RNGTT: variants seen among roughly 807,000 people sequenced by gnomAD.
RNGTT encodes mRNA-capping enzyme.
A neutral mutation model predicts 79.3 loss-of-function variants in RNGTT; 33 were observed. The observed-to-expected ratio is 0.42, with a 90% confidence interval of 0.32 to 0.56. The LOEUF is 0.56. Among genes scored for constraint, RNGTT ranks in the 20% least tolerant of loss-of-function variants. The pLI, the probability that RNGTT is intolerant of heterozygous loss-of-function variation, is 0.17. For synonymous variants in RNGTT, 222 were observed against 235.9 expected (o/e 0.94, Z 0.54); for missense variants, 497 against 739.1 (o/e 0.67, Z 3.80).
chr6:88,663,161 G>A (rs760161642), intron 14 of RNGTT, among the ~76,000 whole-genome samples: 13 of 152,128 alleles, frequency 8.5e-5, no homozygotes, highest in Admixed American at 2.6e-4. Context: ...TGGTAAGAGT[G>A]TTGTTTTGTC....
intron 11 of RNGTT, among the ~76,000 whole-genome samples, chr6:88,816,013 TA>T (rs1445896014): frequency 1.3e-5 from 2 of 152,168 alleles, no homozygotes; most frequent in African/African-American, 4.8e-5. Context: ...CAAAATCATA[TA>T]AAAATAAGAC....
chr6:88,888,229 CGTAGT>C (rs2127932888), intron 8 of RNGTT, among the ~76,000 whole-genome samples: 1 of 152,238 alleles, frequency 6.6e-6, no homozygotes, highest in East Asian at 1.9e-4. Flanking sequence ...CAGTTCATTT[CGTAGT>C]GTAAAGCCTA....
At chr6:88,750,039 C>T (rs1226601747) in intron 13 of RNGTT, among the ~76,000 whole-genome samples, 2 of 152,138 alleles carry the variant, frequency 1.3e-5, no homozygotes, top group African/African-American at 2.4e-5. Context: ...TTTATAAGGA[C>T]ATGAGTCATT....
chr6:88,767,678 CAA>C (rs58712575), intron 13 of RNGTT, among the ~76,000 whole-genome samples: 12,197 of 83,524 alleles, frequency 0.15, 571 homozygotes, highest in Middle Eastern at 0.18. Context: ...TCACTTGTGT[CAA>C]AAAAAAAAAA....
chr6:88,946,685 C>A (rs1345146167), intron 1 of RNGTT, among the ~76,000 whole-genome samples: 1 of 151,888 alleles, frequency 6.6e-6, no homozygotes, highest in African/African-American at 2.4e-5. Context: ...CCTCTCCCCA[C>A]GGTCTCCCTC....
At chr6:88,767,692 A>T (rs901750651) in intron 13 of RNGTT, among the ~76,000 whole-genome samples, 3 of 147,828 alleles carry the variant, frequency 2.0e-5, no homozygotes, top group Admixed American at 2.0e-4. Flanking sequence ...AAAAAAAAAA[A>T]AAAAAAAAAA....
intron 13 of RNGTT, among the ~76,000 whole-genome samples, chr6:88,768,138 T>C (rs1299533657): frequency 2.3e-5 from 3 of 131,190 alleles, no homozygotes. Context: ...CATTTAGGGA[T>C]AGTGTGTGTG....
At chr6:88,814,314 T>C (rs1018964409) in intron 11 of RNGTT, among the ~76,000 whole-genome samples, 1 of 152,210 alleles carries the variant, frequency 6.6e-6, no homozygotes, top group Admixed American at 6.5e-5. Flanking sequence ...GAATTTCCTT[T>C]CTTCAAACTA....
chr6:88,870,511 CAAA>C (rs751016965), intron 8 of RNGTT, among the ~76,000 whole-genome samples: 3 of 91,712 alleles, frequency 3.3e-5, no homozygotes, highest in Admixed American at 2.3e-4. Context: ...CAATTAAGAG[CAAA>C]AAAAAAAAAA....
At chr6:88,806,371 G>A (rs1779954816) in intron 11 of RNGTT, among the ~76,000 whole-genome samples, 1 of 149,532 alleles carries the variant, frequency 6.7e-6, no homozygotes, top group Non-Finnish European at 1.5e-5. Context: ...AGGCTGGAGT[G>A]CAGTGGCACA....
chr6:88,955,099 T>C (rs1183673025), intron 1 of RNGTT, among the ~76,000 whole-genome samples: 5 of 151,888 alleles, frequency 3.3e-5, no homozygotes, highest in Non-Finnish European at 7.4e-5. Context: ...TACAAATACA[T>C]GGAAATTAAA....
Position 88,929,285 on chromosome 6 carries a change from TGAAAG to T in RNGTT, c.175-23_175-19del, listed in dbSNP as rs767931149. On this transcript the variant is annotated intron_variant, in intron 2 of 15. Coordinates refer to ENST00000369485, the MANE Select transcript of RNGTT (RefSeq NM_003800.5). ...ATTTTAACCTAAAAAAAAAAAAAAA[TGAAAG>T]GGCAAATTTACTAGTAACTTAATTT... The T allele has an allele frequency of 7.7e-5, 92 of 1,191,860 alleles. 1 individual carries two copies. In the South Asian group the frequency reaches 1.2e-3, roughly 15 times the overall value. The allele number at this position is 1,191,860 out of a possible 1,614,324, so 73.8% of individuals were successfully genotyped here.
At chr6:88,727,530 A>G (rs919461585) in intron 13 of RNGTT, among the ~76,000 whole-genome samples, 20 of 152,234 alleles carry the variant, frequency 1.3e-4, no homozygotes, top group Non-Finnish European at 2.5e-4. Context: ...AGGAGTCTAT[A>G]AAAATCTTAC....
At position 88,611,316 on chromosome 6, in the gene RNGTT, TCTGA is replaced by T. The variant is rs1365114702; in HGVS notation, c.*1399_*1402del. 1 of 152,684 alleles carries T rather than the reference TCTGA, an allele frequency of 6.5e-6. No individual in the cohort carries two copies. The allele number at this position is 152,684 out of a possible 1,614,324, so 9.5% of individuals were successfully genotyped here. A position where few individuals can be genotyped will look rare whatever the true frequency, so the allele number is the denominator to read the frequency against. ...CCGGGTAATTCAGTTGGATTTCGTG[TCTGA>T]CTGAATCAGTAGAAGAATATACACT... On this transcript the variant is annotated 3_prime_UTR_variant, in exon 16 of 16. Coordinates refer to ENST00000369485, the MANE Select transcript of RNGTT (RefSeq NM_003800.5).
At chr6:88,960,352 G>T (rs2127967993) in intron 1 of RNGTT, among the ~76,000 whole-genome samples, 1 of 152,354 alleles carries the variant, frequency 6.6e-6, no homozygotes, top group South Asian at 2.1e-4. Flanking sequence ...GCACCTGGCT[G>T]TGTCTCATAT....
chr6:88,886,668 AT>A (rs1782872488), intron 8 of RNGTT, among the ~76,000 whole-genome samples: 1 of 152,120 alleles, frequency 6.6e-6, no homozygotes, highest in South Asian at 2.1e-4. Context: ...AAGACATCTC[AT>A]TTTTAAAAGT....
At position 88,919,221 on chromosome 6, in the gene RNGTT, A is replaced by G. The variant is rs528823288; in HGVS notation, c.367+9764T>C. 4.5e-4 allele frequency among the ~76,000 whole-genome samples: 68 copies of G among 152,366 alleles called. No homozygotes were observed. In the South Asian group the frequency reaches 0.014, roughly 31 times the overall value. On this transcript the variant is annotated intron_variant, in intron 4 of 15. Transcript: ENST00000369485. Reference sequence around the variant, plus strand: ...GCAATTTTCAGTTTTCTTCATCATGAGAATGGGTCCATCTAGTGGTAAGTA... The same window carrying G: ...GCAATTTTCAGTTTTCTTCATCATGGGAATGGGTCCATCTAGTGGTAAGTA...
intron 14 of RNGTT, among the ~76,000 whole-genome samples, chr6:88,669,826 G>A (rs544998992): frequency 6.1e-4 from 93 of 152,278 alleles, no homozygotes; most frequent in Non-Finnish European, 7.3e-5. Flanking sequence ...GAAAACAGAA[G>A]CATAGCCATA....
intron 11 of RNGTT, among the ~76,000 whole-genome samples, chr6:88,826,831 T>A: frequency 7.0e-6 from 1 of 142,850 alleles, no homozygotes; most frequent in African/African-American, 2.6e-5. Context: ...TGTGTATATA[T>A]ATATATATAT....
Sources: gnomAD v4.1 joint callset for allele counts (sites outside exome capture counted in the v4.1 genomes callset) on GRCh38, gnomAD v4.1.1 for gene constraint, MANE v1.5 for transcripts, NCBI Gene and HGNC (gene_info 2026-07-23, HGNC 2026-07-21) for gene names.